Variants in MPDZ observed in about 807,000 individuals in gnomAD.
MPDZ encodes the protein multiple PDZ domain protein.
In MPDZ, 234 loss-of-function variants were observed where a neutral mutation model predicts 239.1. The ratio of observed to expected loss-of-function variants is 0.98; its 90% CI spans 0.88 to 1.09. The LOEUF (loss-of-function observed/expected upper bound fraction) is 1.09. Ranked by LOEUF, MPDZ falls within the 50% of genes least tolerant of loss-of-function variation. The pLI is 0.00. For missense variants in MPDZ, 3,175 were observed against 2,510.0 expected, an observed-to-expected ratio of 1.26 and a Z score of -5.66; for synonymous variants, 1,048 against 881.3, an observed-to-expected ratio of 1.19 and a Z score of -3.35.
rs559458534 is a variant in MPDZ, at chr9:13,126,718, T to C, written c.4519A>G (p.Ile1507Val). ...ISEEDTLSGVIIKSLTEHGVA... is the reference protein window; with the variant it reads ...ISEEDTLSGVVIKSLTEHGVA... Reference sequence around the variant, plus strand: ...CCATGCTCTGTTAAGCTCTTTATGATGACTCCACTGAGTGTATCTTCTTCG... The same window carrying C: ...CCATGCTCTGTTAAGCTCTTTATGACGACTCCACTGAGTGTATCTTCTTCG... The change falls in exon 33 of 47, where the codon ATC (isoleucine) becomes GTC (valine). Residue 1507 changes from isoleucine (I) to valine (V), a missense_variant. By Grantham distance (29) the Ile-to-Val change is conservative (BLOSUM62 3). Coordinates refer to ENST00000319217, the MANE Select transcript of MPDZ (RefSeq NM_001378778.1). The C allele has an allele frequency of 2.5e-6, 4 of 1,613,944 alleles. No homozygotes were observed. In the Admixed American group the frequency reaches 6.7e-5, roughly 27 times the overall value.
chr9:13,198,207 C>T (rs1417442672), intron 12 of MPDZ, among the ~76,000 whole-genome samples: 133 of 152,234 alleles, frequency 8.7e-4, no homozygotes, highest in Non-Finnish European at 1.2e-4. Context: ...ATTTACATTA[C>T]CATCAACAGC....
intron 19 of MPDZ, among the ~76,000 whole-genome samples, chr9:13,176,809 G>A (rs1952560502): frequency 1.3e-5 from 2 of 152,082 alleles, no homozygotes; most frequent in South Asian, 4.1e-4. Flanking sequence ...TCAGTCTGAA[G>A]TTCCCATTTA....
At position 13,279,402 on chromosome 9, in the gene MPDZ, G is replaced by A. The variant is rs1588307524; in HGVS notation, c.-60C>T. The stretch of plus-strand genomic sequence containing the variant: ...GCCGGGGCTCAAGCGCCGCTTACCC[G>A]GCTCGCGGCGCCCGCCCAGGGCCGC... On this transcript the variant is annotated splice_region_variant and 5_prime_UTR_variant, in exon 1 of 47. Transcript: ENST00000319217. 1.4e-5 allele frequency: 2 copies of A among 146,386 alleles called. No homozygotes were observed. The highest frequency in any genetic ancestry group is 1.4e-4 in the Admixed American group (2 of 14,808). The allele number at this position is 146,386 out of a possible 1,614,324, so 9.1% of individuals were successfully genotyped here.
chr9:13,270,356 G>GTT (rs1972693561), intron 1 of MPDZ, among the ~76,000 whole-genome samples: 1 of 152,072 alleles, frequency 6.6e-6, no homozygotes, highest in Non-Finnish European at 1.5e-5. Flanking sequence ...AACATAACAG[G>GTT]TTTTCATAAC....
intron 19 of MPDZ, 119 bp from the exon 20 acceptor site, chr9:13,176,536 T>G: frequency 1.1e-6 from 1 of 901,334 alleles, no homozygotes; most frequent in Non-Finnish European, 1.6e-6. Context: ...AACAATTATT[T>G]ATTACTCAAA....
intron 1 of MPDZ, chr9:13,274,488 G>C (rs542968343): frequency 6.6e-6 from 1 of 151,262 alleles, no homozygotes; most frequent in Non-Finnish European, 1.5e-5. Context: ...AGGCAGACAG[G>C]CCAGAAGAAA....
intron 13 of MPDZ, among the ~76,000 whole-genome samples, chr9:13,195,398 T>C (rs748079315): frequency 2.6e-5 from 4 of 152,198 alleles, no homozygotes; most frequent in Non-Finnish European, 5.9e-5. Flanking sequence ...GTTATTAATA[T>C]ATGTCATCTG....
chr9:13,139,833 T>C, intron 28 of MPDZ, 154 bp downstream of exon 28: 1 of 899,628 alleles, frequency 1.1e-6, no homozygotes, highest in Non-Finnish European at 1.8e-6. Context: ...GTATGCTGTA[T>C]TCAAGCAAAA....
chr9:13,165,912 A>C (rs1402053655), intron 22 of MPDZ, among the ~76,000 whole-genome samples: 1 of 152,114 alleles, frequency 6.6e-6, no homozygotes, highest in East Asian at 1.9e-4. Flanking sequence ...TTGAAACTCA[A>C]ATTATCTACC....
chr9:13,176,648 TCTA>T (rs1587536527), intron 19 of MPDZ, among the ~76,000 whole-genome samples: 2 of 152,296 alleles, frequency 1.3e-5, no homozygotes, highest in Non-Finnish European at 2.9e-5. Flanking sequence ...CATCTCACGT[TCTA>T]CTGAGTTATA....
At chr9:13,243,371 T>G (rs940936445) in intron 3 of MPDZ, among the ~76,000 whole-genome samples, 2 of 152,040 alleles carry the variant, frequency 1.3e-5, no homozygotes, top group Non-Finnish European at 2.9e-5. Context: ...CTCTTTTTTT[T>G]TTTTTGCTTT....
At chr9:13,266,429 T>C (rs1465626892) in intron 1 of MPDZ, among the ~76,000 whole-genome samples, 6 of 152,238 alleles carry the variant, frequency 3.9e-5, no homozygotes. Flanking sequence ...GAAGGGCTTG[T>C]GAACAATCAC....
Position 13,217,397 on chromosome 9 carries a change from G to C in MPDZ, c.1087-103C>G, listed in dbSNP as rs1005524563. The C allele has an allele frequency of 4.2e-6, 3 of 722,594 alleles. No individual in the cohort carries two copies. In the African/African-American group the frequency reaches 5.5e-5, roughly 13 times the overall value. 44.8% of individuals were successfully genotyped at this position (722,594 alleles called of 1,614,324 possible). A position where few individuals can be genotyped will look rare whatever the true frequency, so the allele number is the denominator to read the frequency against. On this transcript the variant is annotated intron_variant, in intron 8 of 46. Transcript: ENST00000319217. ...AAAACCATGATAAAATAAAGCCACAGGCCTACTTTAATTCTCTAGCAAAGA... is the reference window on the plus strand; with the variant it reads ...AAAACCATGATAAAATAAAGCCACACGCCTACTTTAATTCTCTAGCAAAGA...
intron 18 of MPDZ, among the ~76,000 whole-genome samples, chr9:13,184,523 C>G (rs1254374135): frequency 6.6e-6 from 1 of 151,748 alleles, no homozygotes; most frequent in African/African-American, 2.4e-5. Context: ...TACCTGTGGG[C>G]CATTTTGAAG....
chr9:13,232,111 A>G (rs1261712472), intron 3 of MPDZ, among the ~76,000 whole-genome samples: 1 of 152,182 alleles, frequency 6.6e-6, no homozygotes, highest in Non-Finnish European at 1.5e-5. Flanking sequence ...AATTAAAAGT[A>G]TAAAGACTAG....
At position 13,123,292 on chromosome 9, in the gene MPDZ, C is replaced by T; in HGVS notation, c.4814G>A (p.Ser1605Asn). ...SPEPESIRNTSRSSTPAIFAS... is the reference protein window; with the variant it reads ...SPEPESIRNTNRSSTPAIFAS... Reference sequence around the variant, plus strand: ...AAAAATTGCTGGTGTTGATGATCTGCTTGTATCTAAAAATAAGTTAAAAAT... The same window carrying T: ...AAAAATTGCTGGTGTTGATGATCTGTTTGTATCTAAAAATAAGTTAAAAAT... Residue 1605 changes from serine (S) to asparagine (N), a missense_variant, in exon 36 of 47, where the codon AGC (serine) becomes AAC (asparagine). Ser to Asn is a conservative substitution (Grantham distance 46, BLOSUM62 1). Coordinates refer to ENST00000319217, the MANE Select transcript of MPDZ (RefSeq NM_001378778.1). 2.5e-6 allele frequency: 4 copies of T among 1,606,508 alleles called. No individual in the cohort carries two copies. The highest frequency in any genetic ancestry group is 1.7e-5 in the Admixed American group (1 of 59,118).
chr9:13,210,609 T>C (rs199724134), intron 10 of MPDZ, among the ~76,000 whole-genome samples: 1 of 152,024 alleles, frequency 6.6e-6, no homozygotes, highest in Non-Finnish European at 1.5e-5. Flanking sequence ...ACTTCTGTTA[T>C]GTTGGGAGCT....
At chr9:13,165,174 T>G (rs1950922394) in intron 22 of MPDZ, among the ~76,000 whole-genome samples, 1 of 152,172 alleles carries the variant, frequency 6.6e-6, no homozygotes, top group East Asian at 1.9e-4. Flanking sequence ...CAGTACAATG[T>G]GAAAACGTAA....
Position 13,110,713 on chromosome 9 carries a change from C to G in MPDZ, c.5752G>C (p.Gly1918Arg), listed in dbSNP as rs1360738650. 1 of 1,613,406 alleles carries G rather than the reference C, an allele frequency of 6.2e-7. No homozygotes were observed. The highest frequency in any genetic ancestry group is 2.2e-5 in the East Asian group (1 of 44,862). Residue 1918 changes from glycine to arginine, a missense_variant, in exon 44 of 47, where the codon GGC becomes CGC. Coordinates refer to ENST00000319217, the MANE Select transcript of MPDZ (RefSeq NM_001378778.1). Reference protein sequence around the residue: ...RVGDRIVTICGTSTEGMTHTQ... With the variant: ...RVGDRIVTICRTSTEGMTHTQ... ...TGAGTCATGCCCTCAGTGGATGTGC[C>G]ACAGATGGTGACAATCCTATCCCCA...
Sources: allele counts gnomAD v4.1 joint callset (sites outside exome capture counted in the v4.1 genomes callset), GRCh38; gene constraint gnomAD v4.1.1; transcripts MANE v1.5; gene names NCBI Gene and HGNC (gene_info 2026-07-23, HGNC 2026-07-21).